NF1: variants seen among roughly 807,000 people sequenced by gnomAD.
NF1 encodes the protein neurofibromin.
Under a neutral mutation model 325.7 loss-of-function variants are expected in NF1, and 122 were observed. The ratio of observed to expected loss-of-function variants is 0.37; its 90% CI spans 0.32 to 0.44. The LOEUF (loss-of-function observed/expected upper bound fraction) is 0.44. NF1 is among the 20% of genes least tolerant of loss of function. The pLI is 1.00. For missense variants in NF1, 2,140 were observed against 3,415.4 expected (o/e 0.63, Z 9.31); for synonymous variants, 1,091 against 1,186.0 (o/e 0.92, Z 1.65).
chr17:31,169,901 TTAAC>T lies in NF1; in HGVS notation c.492_495del (p.Thr165PhefsTer12). On this transcript the variant is annotated frameshift_variant, in exon 5 of 58. Coordinates refer to ENST00000358273, the MANE Select transcript of NF1 (RefSeq NM_001042492.3). LOFTEE classifies it high-confidence loss of function. ...GTTTTTACTTTTTAGGTTACAGGAA[TTAAC>T]TGTTTGTTCAGAAGACAATGTTGAT... 1 of 1,610,112 alleles carries T rather than the reference TTAAC, an allele frequency of 6.2e-7. No homozygotes were observed. The highest frequency in any genetic ancestry group is 8.5e-7 in the Non-Finnish European group (1 of 1,176,670).
In NF1 at chr17:31,308,097, C is replaced by T. The variant is rs2068772903; in HGVS notation, c.4836-17723C>T. ...AAAAGTGTGCATGATCAGGTTACTA[C>T]TGCCTTGCTTGAGGGTTTAATTTCT... On this transcript the variant is annotated intron_variant, in intron 36 of 57. Transcript: ENST00000358273. The T allele has an allele frequency of 1.4e-5, 4 of 282,372 alleles. No homozygotes were observed. In the Admixed American group the frequency reaches 1.6e-4, roughly 11 times the overall value. 17.5% of individuals were successfully genotyped at this position (282,372 alleles called of 1,614,324 possible).
chr17:31,340,416 T>A, intron 46 of NF1, 89 bp from the exon 47 acceptor site: 1 of 1,538,164 alleles, frequency 6.5e-7, no homozygotes, highest in East Asian at 2.2e-5. Flanking sequence ...TTTAGGAAGA[T>A]AAGCTGCTTT....
chr17:31,214,516 A>G lies in NF1; in HGVS notation c.1458A>G (p.Thr486=), dbSNP rs878853866. 1 of 1,609,066 alleles carries G rather than the reference A, an allele frequency of 6.2e-7. No individual in the cohort carries two copies. The highest frequency in any genetic ancestry group is 8.5e-7 in the Non-Finnish European group (1 of 1,175,786). ...KFKEKPTDLE[T]RSYKYLLLSM... is the part of the protein sequence containing the mutation. ...AAGAAAAACCTACAGACCTGGAGACAAGAAGCTATAAGTATCTTCTCTTGT... is the reference window on the plus strand; with the variant it reads ...AAGAAAAACCTACAGACCTGGAGACGAGAAGCTATAAGTATCTTCTCTTGT... Residue 486 remains threonine, a synonymous_variant, in exon 13 of 58, where the codon ACA becomes ACG. Coordinates refer to ENST00000358273, the MANE Select transcript of NF1 (RefSeq NM_001042492.3).
chr17:31,148,497 G>GATTACTATGGGATTGGTCATTAGTC lies in NF1; in HGVS notation c.61-7464_61-7440dup, dbSNP rs1479491862. On this transcript the variant is annotated intron_variant, in intron 1 of 57. Coordinates refer to ENST00000358273, the MANE Select transcript of NF1 (RefSeq NM_001042492.3). ...TCGTTCAAGATTACAACTGAGTGAG[G>GATTACTATGGGATTGGTCATTAGTC]ATTACTATGGGATTGGTCATTAGTC... is the stretch of plus-strand genomic sequence containing the variant. Among the ~76,000 whole-genome samples, 1 of 151,744 alleles carries GATTACTATGGGATTGGTCATTAGTC rather than the reference G, an allele frequency of 6.6e-6. No individual in the cohort carries two copies. Among genetic ancestry groups the GATTACTATGGGATTGGTCATTAGTC allele is most frequent in the African/African-American group, 2.4e-5 (1 of 41,268 alleles).
At position 31,374,740 on chromosome 17, in the gene NF1, G is replaced by C. The variant is rs372804411; in HGVS notation, c.*585G>C. On this transcript the variant is annotated 3_prime_UTR_variant, in exon 58 of 58. Transcript: ENST00000358273. Reference sequence around the variant, plus strand: ...ATAAAGCCACAGACAAGGTACTTGGGGGGGAGGGCAGGGAAATTTCATATT... The same window carrying C: ...ATAAAGCCACAGACAAGGTACTTGGCGGGGAGGGCAGGGAAATTTCATATT... 2.0e-4 allele frequency: 47 copies of C among 234,116 alleles called. No individual in the cohort carries two copies. Among genetic ancestry groups the C allele is most frequent in the Non-Finnish European group, 2.9e-4 (34 of 118,496 alleles). 14.5% of individuals were successfully genotyped at this position (234,116 alleles called of 1,614,324 possible).
At chr17:31,240,037 T>C (rs1304403987) in intron 29 of NF1, among the ~76,000 whole-genome samples, 3 of 152,244 alleles carry the variant, frequency 2.0e-5, no homozygotes, top group African/African-American at 7.2e-5. Context: ...GTGCTGTGAT[T>C]ACAGGCGTCA....
At chr17:31,181,338 C>T (rs866632188) in intron 5 of NF1, 84 bp from the exon 6 acceptor site, 60 of 1,272,310 alleles carry the variant, frequency 4.7e-5, no homozygotes, top group African/African-American at 4.4e-4. Context: ...AAAAGTAATA[C>T]GTAAATGGAA....
Position 31,376,506 on chromosome 17 carries a change from T to C in NF1, c.*2351T>C. Reference sequence around the variant, plus strand: ...CTTAACTAAGGTTTAAAATTTACCTTGTTTAAAGAACTTCTGACTTTTGAG... The same window carrying C: ...CTTAACTAAGGTTTAAAATTTACCTCGTTTAAAGAACTTCTGACTTTTGAG... On this transcript the variant is annotated 3_prime_UTR_variant, in exon 58 of 58. Coordinates refer to ENST00000358273, the MANE Select transcript of NF1 (RefSeq NM_001042492.3). 1 of 232,782 alleles carries C rather than the reference T, an allele frequency of 4.3e-6. No homozygotes were observed. The highest frequency in any genetic ancestry group is 5.6e-5 in the Admixed American group (1 of 17,788). The allele number at this position is 232,782 out of a possible 1,614,324, so 14.4% of individuals were successfully genotyped here.
At chr17:31,335,061 T>A in intron 40 of NF1, 30 bp downstream of exon 40, 1 of 1,573,510 alleles carries the variant, frequency 6.4e-7, no homozygotes. Flanking sequence ...ATTTATCTAG[T>A]ATCTCCTTTG....
At chr17:31,117,786 TGAAGA>T (rs1223510927) in intron 1 of NF1, among the ~76,000 whole-genome samples, 1 of 151,746 alleles carries the variant, frequency 6.6e-6, no homozygotes, top group Non-Finnish European at 1.5e-5. Context: ...TCCATGCTCT[TGAAGA>T]GAAGTATTTG....
intron 12 of NF1, among the ~76,000 whole-genome samples, chr17:31,210,539 T>C (rs1388805744): frequency 6.6e-6 from 1 of 152,052 alleles, no homozygotes; most frequent in Non-Finnish European, 1.5e-5. Context: ...GAGCCAAGAT[T>C]GTGTCACTGC....
At chr17:31,243,943 C>T (rs1171492302) in intron 29 of NF1, among the ~76,000 whole-genome samples, 1 of 151,890 alleles carries the variant, frequency 6.6e-6, no homozygotes. Flanking sequence ...GCCAGCATGT[C>T]TCCAAGTCTC....
Position 31,343,833 on chromosome 17 carries a change from A to G in NF1, c.7189+698A>G, listed in dbSNP as rs17884986. Among the ~76,000 whole-genome samples the G allele has an allele frequency of 3.9e-3, 597 of 151,994 alleles. 3 individuals are homozygous for G. The highest frequency in any genetic ancestry group is 0.014 in the Middle Eastern group (4 of 294). ...TAGCCAGGTGCGGTGGCACATGCCT[A>G]TAGTGCCAGCTACTTGGGATGCTGA... On this transcript the variant is annotated intron_variant, in intron 48 of 57. Coordinates refer to ENST00000358273, the MANE Select transcript of NF1 (RefSeq NM_001042492.3).
intron 5 of NF1, among the ~76,000 whole-genome samples, chr17:31,179,858 AC>A: frequency 6.6e-6 from 1 of 152,294 alleles, no homozygotes; most frequent in East Asian, 1.9e-4. Context: ...CACTAGCCAG[AC>A]TCATAAAGAA....
At chr17:31,331,626 G>A (rs1454079765) in intron 39 of NF1, 1 of 152,096 alleles carries the variant, frequency 6.6e-6, no homozygotes, top group African/African-American at 2.4e-5. Flanking sequence ...ACTGATGAGG[G>A]AGAGATTAAA....
At chr17:31,285,422 A>G (rs1367517672) in intron 36 of NF1, among the ~76,000 whole-genome samples, 1 of 152,184 alleles carries the variant, frequency 6.6e-6, no homozygotes, top group Non-Finnish European at 1.5e-5. Context: ...ACAACATTTT[A>G]GGGAAATAAT....
chr17:31,218,915 C>A, intron 13 of NF1, 90 bp from the exon 14 acceptor site: 1 of 1,319,540 alleles, frequency 7.6e-7, no homozygotes, highest in South Asian at 1.3e-5. Flanking sequence ...AACTTGGTAC[C>A]CTTTAGCAGT....
At chr17:31,257,318 A>G (rs2067599761) in intron 31 of NF1, among the ~76,000 whole-genome samples, 1 of 152,210 alleles carries the variant, frequency 6.6e-6, no homozygotes, top group Non-Finnish European at 1.5e-5. Flanking sequence ...TAGCCGCACT[A>G]AGCAAGAATA....
intron 36 of NF1, chr17:31,296,555 A>C: frequency 1.8e-6 from 1 of 545,368 alleles, no homozygotes; most frequent in South Asian, 2.1e-5. Context: ...CTCTCTCCCT[A>C]CTCTCTCCTG....
Sources: allele counts gnomAD v4.1 joint callset (sites outside exome capture counted in the v4.1 genomes callset), GRCh38; gene constraint gnomAD v4.1.1; transcripts MANE v1.5; gene names NCBI Gene and HGNC (gene_info 2026-07-23, HGNC 2026-07-21).